The following LTBP1 variants were observed in gnomAD, a reference collection of about 807,000 sequenced individuals.
The protein encoded by LTBP1 is latent-transforming growth factor beta-binding protein 1.
In LTBP1, 129 loss-of-function variants were observed where a neutral mutation model predicts 207.6. The observed-to-expected ratio is 0.62, with a 90% CI of 0.54 to 0.72. The LOEUF is 0.72. Ranked by LOEUF, LTBP1 falls within the 30% of genes least tolerant of loss-of-function variation. LTBP1 has a pLI of 0.00. For synonymous variants in LTBP1, 963 were observed against 833.7 expected (o/e 1.16, Z -2.67); for missense variants, 2,281 against 2,217.2 (o/e 1.03, Z -0.58).
intron 2 of LTBP1, among the ~76,000 whole-genome samples, chr2:32,965,545 T>C (rs1044802792): frequency 2.6e-5 from 4 of 152,210 alleles, no homozygotes; most frequent in African/African-American, 4.8e-5. Flanking sequence ...GTTTTGCCTC[T>C]TCCAGAATGA....
chr2:32,986,464 A>G (rs1056244243), intron 2 of LTBP1, among the ~76,000 whole-genome samples: 1 of 152,218 alleles, frequency 6.6e-6, no homozygotes, highest in Admixed American at 6.5e-5. Flanking sequence ...TTATGCTGAC[A>G]TTAAGCCTGA....
At chr2:33,094,430 A>G (rs953419893) in intron 3 of LTBP1, among the ~76,000 whole-genome samples, 1 of 152,210 alleles carries the variant, frequency 6.6e-6, no homozygotes. Flanking sequence ...TTGATGTTGC[A>G]TAAGTTATTT....
chr2:33,131,902 A>G (rs1347099071), intron 4 of LTBP1, among the ~76,000 whole-genome samples: 1 of 152,222 alleles, frequency 6.6e-6, no homozygotes, highest in Non-Finnish European at 1.5e-5. Flanking sequence ...GAGAATCTCC[A>G]GTGCTTATAA....
chr2:33,056,363 T>C, intron 3 of LTBP1: 1 of 1,252,688 alleles, frequency 8.0e-7, no homozygotes, highest in Non-Finnish European at 1.0e-6. Context: ...GGCTTTCGGT[T>C]TTCTTTGGTA....
Position 33,315,108 on chromosome 2 carries a change from T to G in LTBP1, c.3605-36T>G, listed in dbSNP as rs1291243326. The G allele has an allele frequency of 1.9e-6, 3 of 1,573,664 alleles. No individual in the cohort carries two copies. The African/African-American group carries it at 4.2e-5, about 22-fold the overall frequency. On this transcript the variant is annotated intron_variant, in intron 23 of 33. Coordinates refer to ENST00000404816, the MANE Select transcript of LTBP1 (RefSeq NM_206943.4). ...ATAGTATATGGGAATGAAACCGATTTTTTTCAAGTTTTTAAGACTCTATTT... is the reference window on the plus strand; with the variant it reads ...ATAGTATATGGGAATGAAACCGATTGTTTTCAAGTTTTTAAGACTCTATTT...
chr2:33,367,322 C>G (rs974592149), intron 31 of LTBP1, among the ~76,000 whole-genome samples: 3 of 152,052 alleles, frequency 2.0e-5, no homozygotes, highest in African/African-American at 4.8e-5. Flanking sequence ...TCTAGGATCT[C>G]TTAAAATAGA....
intron 7 of LTBP1, among the ~76,000 whole-genome samples, chr2:33,203,281 G>A (rs996102): frequency 0.53 from 81,029 of 152,092 alleles, 21,731 homozygotes; most frequent in Middle Eastern, 0.6. Flanking sequence ...AAGATCAGCA[G>A]AGACAGGGGT....
At chr2:33,169,726 A>G (rs1256314426) in intron 5 of LTBP1, among the ~76,000 whole-genome samples, 3 of 152,254 alleles carry the variant, frequency 2.0e-5, no homozygotes, top group Non-Finnish European at 2.9e-5. Flanking sequence ...GTTTTCATCA[A>G]TAAGACAAAT....
At chr2:32,983,040 C>T (rs1257509553) in intron 2 of LTBP1, among the ~76,000 whole-genome samples, 8 of 152,180 alleles carry the variant, frequency 5.3e-5, no homozygotes, top group African/African-American at 1.7e-4. Flanking sequence ...CACCATGTGC[C>T]TGGAAAAGCT....
Position 33,268,833 on chromosome 2 carries a change from C to T in LTBP1, c.2618-4823C>T, listed in dbSNP as rs145434043. Among the ~76,000 whole-genome samples, 282 of 152,320 alleles carry T rather than the reference C, an allele frequency of 1.9e-3. 3 individuals are homozygous for T. Among genetic ancestry groups the T allele is most frequent in the African/African-American group, 6.5e-3 (272 of 41,574 alleles). On this transcript the variant is annotated intron_variant, in intron 15 of 33. Transcript: ENST00000404816. ...ATGCCTTCCTCTGGCTCTTCCCAAGCTTTCTCCATGGCTCTTGCAGACTGG... is the reference window on the plus strand; with the variant it reads ...ATGCCTTCCTCTGGCTCTTCCCAAGTTTTCTCCATGGCTCTTGCAGACTGG...
intron 31 of LTBP1, among the ~76,000 whole-genome samples, chr2:33,372,016 G>A (rs533500853): frequency 2.0e-5 from 3 of 152,254 alleles, no homozygotes; most frequent in South Asian, 2.1e-4. Context: ...GAAATCGATC[G>A]TATATATAAG....
intron 5 of LTBP1, among the ~76,000 whole-genome samples, chr2:33,183,177 TG>T (rs2086850925): frequency 6.6e-6 from 1 of 152,252 alleles, no homozygotes; most frequent in East Asian, 1.9e-4. Context: ...TTAATTCCTT[TG>T]GGAATCTTCA....
At chr2:33,100,772 T>C (rs1434891385) in intron 3 of LTBP1, among the ~76,000 whole-genome samples, 2 of 152,220 alleles carry the variant, frequency 1.3e-5, no homozygotes, top group African/African-American at 4.8e-5. Context: ...AGAGACCTCA[T>C]AGAAGTGGAA....
At chr2:33,397,607 A>G (rs985309788) in intron 33 of LTBP1, among the ~76,000 whole-genome samples, 5 of 144,644 alleles carry the variant, frequency 3.5e-5, no homozygotes, top group Non-Finnish European at 7.4e-5. Flanking sequence ...TCCCAGGTTC[A>G]AGCAATGCTC....
chr2:33,283,478 C>T (rs2093604665), intron 19 of LTBP1, among the ~76,000 whole-genome samples: 1 of 140,724 alleles, frequency 7.1e-6, no homozygotes, highest in East Asian at 2.0e-4. Context: ...GCTCTTTCGC[C>T]CAGGCTGAAG....
intron 5 of LTBP1, among the ~76,000 whole-genome samples, chr2:33,166,221 A>G (rs1287231722): frequency 2.0e-5 from 3 of 152,224 alleles, no homozygotes; most frequent in Admixed American, 6.5e-5. Context: ...AAAAGTACAT[A>G]TAAAATGTAT....
At chr2:33,022,059 A>G (rs959080350) in intron 3 of LTBP1, among the ~76,000 whole-genome samples, 1 of 152,164 alleles carries the variant, frequency 6.6e-6, no homozygotes, top group Admixed American at 6.5e-5. Flanking sequence ...GTTCATTTGT[A>G]AGTCACTTGC....
At chr2:33,046,877 G>T (rs1195424501) in intron 3 of LTBP1, among the ~76,000 whole-genome samples, 4 of 152,120 alleles carry the variant, frequency 2.6e-5, no homozygotes, top group African/African-American at 9.7e-5. Context: ...ATTTCTTCTA[G>T]ATTTTCTAGT....
At position 33,376,657 on chromosome 2, in the gene LTBP1, A is replaced by G. The variant is rs377123935; in HGVS notation, c.4711+11154A>G. Reference sequence around the variant, plus strand: ...CATTGCAGTGACTTTCAAGGGAATAATAGGACAGAAAAAATAAATAGGACC... The same window carrying G: ...CATTGCAGTGACTTTCAAGGGAATAGTAGGACAGAAAAAATAAATAGGACC... On this transcript the variant is annotated intron_variant, in intron 31 of 33. Transcript: ENST00000404816. Among the ~76,000 whole-genome samples the G allele has an allele frequency of 4.3e-4, 65 of 152,314 alleles. No homozygotes were observed. The South Asian group carries it at 0.012, about 28-fold the overall frequency.
Sources: allele counts gnomAD v4.1 joint callset (sites outside exome capture counted in the v4.1 genomes callset), GRCh38; gene constraint gnomAD v4.1.1; transcripts MANE v1.5; gene names NCBI Gene and HGNC (gene_info 2026-07-23, HGNC 2026-07-21).